EFR3B: variants seen among roughly 807,000 people sequenced by gnomAD.
The protein encoded by EFR3B is EFR3 homolog B, also known as protein EFR3 homolog B.
EFR3B carries 64 observed loss-of-function variants against 104.7 expected under a neutral mutation model. That is an observed-to-expected ratio of 0.61 (90% CI 0.50 to 0.75). The LOEUF (loss-of-function observed/expected upper bound fraction) is 0.75. Ranked by LOEUF, EFR3B falls within the 30% of genes least tolerant of loss-of-function variation. The probability of loss-of-function intolerance (pLI) is 0.00; values close to 1 mark genes in which losing one functional copy is unlikely to be tolerated. For missense variants in EFR3B, 750 were observed against 1,078.5 expected, an observed-to-expected ratio of 0.70 and a Z score of 4.27; for synonymous variants, 385 against 417.9, an observed-to-expected ratio of 0.92 and a Z score of 0.96.
At position 25,154,190 on chromosome 2, in the gene EFR3B, A is replaced by G; in HGVS notation, c.2349-45A>G. ...TGGTTGCACAAGGGTGGGATCCTAA[A>G]ATTCTCTTTTCATGCCTTTCTCCCC... On this transcript the variant is annotated intron_variant, in intron 22 of 22. Coordinates refer to ENST00000403714, the MANE Select transcript of EFR3B (RefSeq NM_014971.2). The surrounding 1 kb of genome is among the most constrained non-coding windows in gnomAD (Gnocchi z 4.1). The G allele has an allele frequency of 6.5e-7, 1 of 1,534,986 alleles. No homozygotes were observed.
At chr2:25,101,494 A>C (rs886315248) in intron 3 of EFR3B, among the ~76,000 whole-genome samples, 2 of 152,052 alleles carry the variant, frequency 1.3e-5, no homozygotes, top group African/African-American at 4.8e-5. Context: ...GATTACAGGC[A>C]TACACCACCA....
At chr2:25,079,478 T>G (rs1668729055) in intron 1 of EFR3B, among the ~76,000 whole-genome samples, 1 of 152,208 alleles carries the variant, frequency 6.6e-6, no homozygotes, top group Non-Finnish European at 1.5e-5. Context: ...AGAATAATAG[T>G]ATCTACTTTA....
At chr2:25,093,381 C>T (rs1280289319) in intron 3 of EFR3B, among the ~76,000 whole-genome samples, 1 of 151,930 alleles carries the variant, frequency 6.6e-6, no homozygotes, top group African/African-American at 2.4e-5. Context: ...GTAGTGCCAG[C>T]TACTTGGGAG....
chr2:25,129,090 A>G (rs764356293), intron 6 of EFR3B, among the ~76,000 whole-genome samples: 7 of 150,694 alleles, frequency 4.6e-5, no homozygotes, highest in Non-Finnish European at 7.4e-5. Context: ...GGCCCTGAAA[A>G]CGTGCATGCT....
At chr2:25,055,704 G>A (rs1393034063) in intron 1 of EFR3B, among the ~76,000 whole-genome samples, 1 of 152,218 alleles carries the variant, frequency 6.6e-6, no homozygotes, top group Admixed American at 6.5e-5. Context: ...GACCTTGCCT[G>A]AAGATCTTGT....
Position 25,130,243 on chromosome 2 carries a change from G to A in EFR3B, c.770+134G>A. The A allele has an allele frequency of 1.4e-6, 2 of 1,381,162 alleles. No individual in the cohort carries two copies. The highest frequency in any genetic ancestry group is 2.0e-6 in the Non-Finnish European group (2 of 1,022,220). 85.6% of individuals were successfully genotyped at this position (1,381,162 alleles called of 1,614,324 possible). On this transcript the variant is annotated intron_variant, in intron 7 of 22. Coordinates refer to ENST00000403714, the MANE Select transcript of EFR3B (RefSeq NM_014971.2). This position sits in a 1 kb window ranked among gnomAD's most constrained non-coding sequence, Gnocchi z 4.6. ...CCGCAGCCGAGTCGATCCCTTCCCT[G>A]TGCCTGTGTTCCCTGCACTGTGACA...
intron 1 of EFR3B, among the ~76,000 whole-genome samples, chr2:25,063,960 G>A (rs1252584311): frequency 6.6e-6 from 1 of 152,172 alleles, no homozygotes; most frequent in Admixed American, 6.5e-5. Flanking sequence ...TTCCCAGAAG[G>A]CCCATGCGCG....
intron 1 of EFR3B, among the ~76,000 whole-genome samples, chr2:25,068,717 C>T (rs1668406185): frequency 6.6e-6 from 1 of 151,232 alleles, no homozygotes; most frequent in East Asian, 1.9e-4. Context: ...GCAAGCTCCA[C>T]CTCCCGGGTT....
chr2:25,059,110 G>A (rs1012771881), intron 1 of EFR3B, among the ~76,000 whole-genome samples: 2 of 148,980 alleles, frequency 1.3e-5, no homozygotes, highest in African/African-American at 5.0e-5. Context: ...ATTATTCAGT[G>A]TTGATTTTTT....
intron 4 of EFR3B, among the ~76,000 whole-genome samples, chr2:25,105,797 C>T (rs879268021): frequency 2.6e-5 from 4 of 152,256 alleles, no homozygotes; most frequent in African/African-American, 4.8e-5. Flanking sequence ...CCACCTCTAG[C>T]TTCCCCCACA....
intron 1 of EFR3B, among the ~76,000 whole-genome samples, chr2:25,049,739 G>C (rs1424637218): frequency 6.6e-6 from 1 of 152,220 alleles, no homozygotes; most frequent in East Asian, 1.9e-4. Flanking sequence ...GCGTGGAGGT[G>C]GGGATGGGGA....
intron 5 of EFR3B, among the ~76,000 whole-genome samples, chr2:25,124,598 G>A (rs1338001575): frequency 6.6e-6 from 1 of 151,968 alleles, no homozygotes; most frequent in East Asian, 1.9e-4. Context: ...AAATTAGCCA[G>A]GCGTGGTGGC....
At chr2:25,148,601 C>T (rs189769383) in intron 19 of EFR3B, among the ~76,000 whole-genome samples, 2 of 151,646 alleles carry the variant, frequency 1.3e-5, no homozygotes, top group East Asian at 2.0e-4. Flanking sequence ...ATGCTCAAGT[C>T]GCATTGGTGG....
At chr2:25,123,107 A>G (rs1558611081) in intron 5 of EFR3B, among the ~76,000 whole-genome samples, 1 of 152,192 alleles carries the variant, frequency 6.6e-6, no homozygotes, top group Non-Finnish European at 1.5e-5. Flanking sequence ...TCATGTCTGT[A>G]ATCTCAGTAC....
In EFR3B at chr2:25,131,921, GGGGCC is replaced by G. The variant is rs751943378; in HGVS notation, c.1147+19_1147+23del. 1.1e-4 allele frequency: 165 copies of G among 1,497,040 alleles called. 1 individual carries two copies. The East Asian group carries it at 4.2e-3, about 38-fold the overall frequency. 92.7% of individuals were successfully genotyped at this position (1,497,040 alleles called of 1,614,324 possible). A position where few individuals can be genotyped will look rare whatever the true frequency, so the allele number is the denominator to read the frequency against. On this transcript the variant is annotated intron_variant, in intron 10 of 22. Coordinates refer to ENST00000403714, the MANE Select transcript of EFR3B (RefSeq NM_014971.2). This position sits in a 1 kb window ranked among gnomAD's most constrained non-coding sequence, Gnocchi z 7.6. ...GTCATCAAGACCGTGGGTGCGGCGC[GGGGCC>G]GGGCCGGGGCGGGGCGGGGCCGAGG...
chr2:25,142,082 T>G (rs1670683701), intron 17 of EFR3B, among the ~76,000 whole-genome samples: 1 of 152,288 alleles, frequency 6.6e-6, no homozygotes, highest in South Asian at 2.1e-4. Flanking sequence ...GAGGATCTCT[T>G]GAGCCCATGA....
intron 1 of EFR3B, among the ~76,000 whole-genome samples, chr2:25,052,561 G>T (rs1012927232): frequency 4.1e-5 from 6 of 146,964 alleles, no homozygotes; most frequent in Admixed American, 2.8e-4. Context: ...GAGTGCAGTG[G>T]CGTGATCTCT....
chr2:25,131,610 G>T lies in EFR3B; in HGVS notation c.985+107G>T. ...GGAGGGGTCGGAGTCCGTTTTCCTCGGGAGAAGTCCGCCAGGAAGTTGGGA... is the reference window on the plus strand; with the variant it reads ...GGAGGGGTCGGAGTCCGTTTTCCTCTGGAGAAGTCCGCCAGGAAGTTGGGA... On this transcript the variant is annotated intron_variant, in intron 9 of 22. Coordinates refer to ENST00000403714, the MANE Select transcript of EFR3B (RefSeq NM_014971.2). This position sits in a 1 kb window ranked among gnomAD's most constrained non-coding sequence, Gnocchi z 7.6. 1 of 1,503,992 alleles carries T rather than the reference G, an allele frequency of 6.6e-7. No individual in the cohort carries two copies. Among genetic ancestry groups the T allele is most frequent in the Non-Finnish European group, 8.9e-7 (1 of 1,120,804 alleles). The allele number at this position is 1,503,992 out of a possible 1,614,324, so 93.2% of individuals were successfully genotyped here. A position where few individuals can be genotyped will look rare whatever the true frequency, so the allele number is the denominator to read the frequency against.
chr2:25,055,854 G>A (rs34910595), intron 1 of EFR3B, among the ~76,000 whole-genome samples: 18,152 of 152,058 alleles, frequency 0.12, 1,162 homozygotes, highest in East Asian at 0.24. Context: ...GCCTCCCTCC[G>A]GGTCTCCTCT....
Sources: gnomAD v4.1 joint callset for allele counts (sites outside exome capture counted in the v4.1 genomes callset) on GRCh38, gnomAD v4.1.1 for gene constraint, Gnocchi (gnomAD v3.1) non-coding constraint, MANE v1.5 for transcripts, NCBI Gene and HGNC (gene_info 2026-07-23, HGNC 2026-07-21) for gene names.